ZNF480: variants seen among roughly 807,000 people sequenced by gnomAD.
ZNF480 encodes the protein zinc finger protein 480.
In ZNF480, 15 loss-of-function variants were observed where a neutral mutation model predicts 14.4. The observed-to-expected ratio is 1.04, with a 90% CI of 0.70 to 1.60. The LOEUF is 1.60. ZNF480 is among the 40% of genes most tolerant of loss of function. The probability of loss-of-function intolerance (pLI) is 0.00; values close to 1 mark genes in which losing one functional copy is unlikely to be tolerated. For synonymous variants in ZNF480, 218 were observed against 215.5 expected, an observed-to-expected ratio of 1.01 and a Z score of -0.10; for missense variants, 593 against 629.7, an observed-to-expected ratio of 0.94 and a Z score of 0.62.
chr19:52,316,194 C>CTTTCTTTCTT (rs368914598), intron 4 of ZNF480, among the ~76,000 whole-genome samples: 3 of 142,802 alleles, frequency 2.1e-5, no homozygotes, highest in South Asian at 2.3e-4. Flanking sequence ...CTCTCTCTTT[C>CTTTCTTTCTT]TCTTTCTTTC....
chr19:52,299,185 T>G (rs1276181252), intron 1 of ZNF480, among the ~76,000 whole-genome samples: 1 of 152,096 alleles, frequency 6.6e-6, no homozygotes, highest in East Asian at 1.9e-4. Context: ...TGGGGTAGGG[T>G]GTGGGCGAGT....
rs185603863 is a variant in ZNF480 at position 52,297,203 on chromosome 19, G to C, written c.-40G>C. 8.8e-5 allele frequency: 39 copies of C among 442,046 alleles called. No homozygotes were observed. Among genetic ancestry groups the C allele is most frequent in the African/African-American group, 8.1e-4 (39 of 47,908 alleles). 27.4% of individuals were successfully genotyped at this position (442,046 alleles called of 1,614,324 possible). A position where few individuals can be genotyped will look rare whatever the true frequency, so the allele number is the denominator to read the frequency against. ...CAAACCCGGAAGCGGATCGCGTGGAGTGAAGGTCACGCCGCGGCGCGTGAG... is the reference window on the plus strand; with the variant it reads ...CAAACCCGGAAGCGGATCGCGTGGACTGAAGGTCACGCCGCGGCGCGTGAG... On this transcript the variant is annotated 5_prime_UTR_variant, in exon 1 of 5. Transcript: ENST00000595962.
At position 52,321,814 on chromosome 19, in the gene ZNF480, A is replaced by T. The variant is rs201003978; in HGVS notation, c.564A>T (p.Ser188=). 5 of 1,613,852 alleles carry T rather than the reference A, an allele frequency of 3.1e-6. No individual in the cohort carries two copies. In the East Asian group the frequency reaches 1.1e-4, roughly 36 times the overall value. ...ATAGGAATGATTTTGATGATTCTTC[A>T]TTTCTCCCACAAGAACAGAAAGTAC... ...IFNRNDFDDS[S]FLPQEQKVHL... The change falls in exon 5 of 5, where the codon TCA becomes TCT. Residue 188 remains serine, a synonymous_variant. Coordinates refer to ENST00000595962, the MANE Select transcript of ZNF480 (RefSeq NM_144684.4).
At chr19:52,308,847 A>G (rs1983122147) in intron 2 of ZNF480, 1 of 30,048 alleles carries the variant, frequency 3.3e-5, no homozygotes, top group Admixed American at 3.0e-4. Context: ...TTGTCCACGA[A>G]TTATTATTAT....
chr19:52,307,738 A>G (rs1479566627), intron 2 of ZNF480, among the ~76,000 whole-genome samples: 1 of 152,214 alleles, frequency 6.6e-6, no homozygotes, highest in Admixed American at 6.5e-5. Flanking sequence ...ATTCTTAGCA[A>G]GGATTAGAGA....
chr19:52,300,301 C>G, intron 1 of ZNF480, 93 bp from the exon 2 acceptor site: 1 of 1,345,104 alleles, frequency 7.4e-7, no homozygotes, highest in South Asian at 1.3e-5. Context: ...GGACATCTTT[C>G]CGCAGGGTGA....
rs558683633 is a variant in ZNF480, at chr19:52,303,174, G to T, written c.72+2690G>T. ...CGATTTTTGAGCTGAAGTATAGGGC[G>T]TGTGGAAGACTTTAGTTTTTGATCC... is the stretch of plus-strand genomic sequence containing the variant. On this transcript the variant is annotated intron_variant, in intron 2 of 4. Transcript: ENST00000595962. 3.9e-5 allele frequency among the ~76,000 whole-genome samples: 6 copies of T among 152,304 alleles called. No individual in the cohort carries two copies. In the East Asian group the frequency reaches 1.2e-3, roughly 29 times the overall value.
chr19:52,312,616 T>C (rs1983343356), intron 2 of ZNF480, among the ~76,000 whole-genome samples: 1 of 152,224 alleles, frequency 6.6e-6, no homozygotes, highest in South Asian at 2.1e-4. Flanking sequence ...GGTGCTTACT[T>C]TGCTGTTTTT....
At chr19:52,319,961 G>A (rs183240730) in intron 4 of ZNF480, among the ~76,000 whole-genome samples, 4 of 151,874 alleles carry the variant, frequency 2.6e-5, no homozygotes, top group African/African-American at 9.7e-5. Context: ...GGGATTACAG[G>A]TGCATGCCCC....
At chr19:52,315,235 C>G (rs1225794995) in intron 3 of ZNF480, among the ~76,000 whole-genome samples, 1 of 152,144 alleles carries the variant, frequency 6.6e-6, no homozygotes, top group East Asian at 1.9e-4. Flanking sequence ...AGGCATGAGC[C>G]CCCGCACCCA....
chr19:52,308,393 G>T (rs560393671), intron 2 of ZNF480, among the ~76,000 whole-genome samples: 19 of 142,610 alleles, frequency 1.3e-4, no homozygotes, highest in Middle Eastern at 7.5e-3. Flanking sequence ...TACAACTTCT[G>T]TCTCCCTGGT....
rs772052542 is a variant in ZNF480 at position 52,314,236 on chromosome 19, C to G, written c.156C>G (p.Tyr52Ter). The change falls in exon 3 of 5, where the codon TAC becomes TAG. Residue 52 changes from tyrosine (Y) to a stop codon, truncating the protein, a stop_gained. Transcript: ENST00000595962. LOFTEE classifies it high-confidence loss of function. Reference protein sequence around the residue: ...KCLDPAQRALYKDVMLENYRN... With the variant: ...KCLDPAQRAL ...TGGACCCTGCACAGAGGGCTTTATA[C>G]AAGGATGTGATGTTGGAGAACTACA... The G allele has an allele frequency of 6.3e-7, 1 of 1,580,718 alleles. No homozygotes were observed. Among genetic ancestry groups the G allele is most frequent in the South Asian group, 1.1e-5 (1 of 90,764 alleles).
At chr19:52,307,704 A>G (rs1384866076) in intron 2 of ZNF480, among the ~76,000 whole-genome samples, 5 of 152,204 alleles carry the variant, frequency 3.3e-5, no homozygotes, top group African/African-American at 1.2e-4. Context: ...ATTAACTAAA[A>G]GCATTCCTTA....
Position 52,321,926 on chromosome 19 carries a change from A to G in ZNF480, c.676A>G (p.Thr226Ala). The G allele has an allele frequency of 6.2e-7, 1 of 1,614,156 alleles. No homozygotes were observed. ...CCTTACTAAACATCAAGTAATCCAT[A>G]CTGTAGAGAAACCTTACAAATGTAA... ...SSLTKHQVIH[T>A]VEKPYKCNSC... is the part of the protein sequence containing the mutation. Residue 226 changes from threonine (T) to alanine (A), a missense_variant, in exon 5 of 5, where the codon ACT becomes GCT. Physicochemically the swap from Thr to Ala is moderately conservative, Grantham distance 58. Transcript: ENST00000595962.
chr19:52,302,051 CA>C, intron 2 of ZNF480: 1 of 211,970 alleles, frequency 4.7e-6, no homozygotes, highest in Non-Finnish European at 9.3e-6. Flanking sequence ...GGGTTCCTCC[CA>C]AAATCTCTTC....
chr19:52,322,755 G>A lies in ZNF480; in HGVS notation c.1505G>A (p.Arg502Gln), dbSNP rs371714857. The change falls in exon 5 of 5, where the codon CGG becomes CAG. Residue 502 changes from arginine (R) to glutamine (Q), a missense_variant. Arg to Gln is a conservative substitution (Grantham distance 43). Transcript: ENST00000595962. Reference protein sequence around the residue: ...FNRIAHLARHRKIHTGEKPYK... With the variant: ...FNRIAHLARHQKIHTGEKPYK... Reference sequence around the variant, plus strand: ...CGAATTGCACACCTTGCACGACATCGGAAAATTCATACTGGAGAGAAACCT... The same window carrying A: ...CGAATTGCACACCTTGCACGACATCAGAAAATTCATACTGGAGAGAAACCT... 3.3e-5 allele frequency: 53 copies of A among 1,607,320 alleles called. No individual in the cohort carries two copies. Among genetic ancestry groups the A allele is most frequent in the African/African-American group, 2.8e-4 (21 of 74,564 alleles).
intron 2 of ZNF480, among the ~76,000 whole-genome samples, chr19:52,302,374 G>A (rs1982736859): frequency 6.6e-6 from 1 of 152,156 alleles, no homozygotes; most frequent in South Asian, 2.1e-4. Flanking sequence ...TTGTGTTTTT[G>A]TAATTGCTGT....
chr19:52,321,659 T>G lies in ZNF480; in HGVS notation c.409T>G (p.Ser137Ala). The change falls in exon 5 of 5, where the codon TCT (serine) becomes GCT (alanine). Residue 137 changes from serine to alanine, a missense_variant. Transcript: ENST00000595962. ...TGGAGTATCCTTTCACTTACATCTG[T>G]CTGAACTGGAGCTATTTCCAGATGA... is the stretch of plus-strand genomic sequence containing the variant. ...QLGVSFHLHL[S>A]ELELFPDERV... The G allele has an allele frequency of 6.2e-7, 1 of 1,613,914 alleles. No individual in the cohort carries two copies. Among genetic ancestry groups the G allele is most frequent in the Non-Finnish European group, 8.5e-7 (1 of 1,179,882 alleles).
Position 52,304,672 on chromosome 19 carries a change from C to T in ZNF480, c.72+4188C>T, listed in dbSNP as rs562580758. ...TAACCCTTTTAAATTTTTTTCTAAT[C>T]CCATGCCAGGCACATACCCCATCTC... On this transcript the variant is annotated intron_variant, in intron 2 of 4. Transcript: ENST00000595962. Among the ~76,000 whole-genome samples, 16 of 152,046 alleles carry T rather than the reference C, an allele frequency of 1.1e-4. No individual in the cohort carries two copies. In the South Asian group the frequency reaches 1.5e-3, roughly 14 times the overall value.
Sources: gnomAD v4.1 joint callset for allele counts (sites outside exome capture counted in the v4.1 genomes callset) on GRCh38, gnomAD v4.1.1 for gene constraint, MANE v1.5 for transcripts, NCBI Gene and HGNC (gene_info 2026-07-23, HGNC 2026-07-21) for gene names.